PIK3C2G: variants seen among roughly 807,000 people sequenced by gnomAD.
The protein encoded by PIK3C2G is phosphatidylinositol-4-phosphate 3-kinase catalytic subunit type 2 gamma.
Under a neutral mutation model 181.1 loss-of-function variants are expected in PIK3C2G, and 168 were observed. The ratio of observed to expected loss-of-function variants is 0.93; its 90% confidence interval spans 0.82 to 1.05. The LOEUF (loss-of-function observed/expected upper bound fraction) is 1.05, where lower values mean the gene tolerates loss of function less well. PIK3C2G is among the 50% of genes least tolerant of loss of function. The pLI is 0.00. For missense variants in PIK3C2G, 1,869 were observed against 1,732.8 expected (o/e 1.08, Z -1.40); for synonymous variants, 573 against 592.2 (o/e 0.97, Z 0.47).
intron 12 of PIK3C2G, among the ~76,000 whole-genome samples, chr12:18,364,946 T>C (rs533619434): frequency 1.6e-4 from 24 of 152,186 alleles, no homozygotes; most frequent in Non-Finnish European, 2.9e-4. Flanking sequence ...AAAATTTTTC[T>C]TCTGATTTAA....
intron 23 of PIK3C2G, among the ~76,000 whole-genome samples, chr12:18,503,711 A>G (rs926853358): frequency 6.6e-6 from 1 of 152,186 alleles, no homozygotes; most frequent in Non-Finnish European, 1.5e-5. Flanking sequence ...AAATTACCTC[A>G]TTTAAGTAAT....
rs923533904 is a variant in PIK3C2G at position 18,548,988 on chromosome 12, G to A, written c.3590+2556G>A. Among the ~76,000 whole-genome samples, 11 of 151,868 alleles carry A rather than the reference G, an allele frequency of 7.2e-5. No homozygotes were observed. The East Asian group carries it at 7.8e-4, about 11-fold the overall frequency. ...CATTCCTGCATTGTCTGTTTAACTCGCTTTGCTAGCTCACTAGAAACACTC... is the reference window on the plus strand; with the variant it reads ...CATTCCTGCATTGTCTGTTTAACTCACTTTGCTAGCTCACTAGAAACACTC... On this transcript the variant is annotated intron_variant, in intron 26 of 32. Coordinates refer to ENST00000538779, the MANE Select transcript of PIK3C2G (RefSeq NM_001288772.2).
At chr12:18,435,698 G>T (rs1427442892) in intron 18 of PIK3C2G, among the ~76,000 whole-genome samples, 2 of 151,968 alleles carry the variant, frequency 1.3e-5, no homozygotes, top group East Asian at 3.9e-4. Flanking sequence ...TTCTCAAGTA[G>T]TTACTCAAAT....
intron 18 of PIK3C2G, among the ~76,000 whole-genome samples, chr12:18,468,450 T>C (rs1261058569): frequency 6.6e-6 from 1 of 152,132 alleles, no homozygotes; most frequent in Non-Finnish European, 1.5e-5. Flanking sequence ...TTCAGCATTC[T>C]TGCCTACGGA....
intron 1 of PIK3C2G, among the ~76,000 whole-genome samples, chr12:18,275,403 T>C (rs935227407): frequency 1.3e-5 from 2 of 152,106 alleles, no homozygotes; most frequent in Non-Finnish European, 2.9e-5. Flanking sequence ...TTTTTTGAGA[T>C]GGAGTTTCGC....
chr12:18,693,249 A>G, the PIK3C2G span: 2 of 1,547,226 alleles, frequency 1.3e-6, no homozygotes, highest in Non-Finnish European at 1.8e-6. Flanking sequence ...CAAGGTGCAT[A>G]CCATGATAGG....
At chr12:18,655,424 A>G in the PIK3C2G span, among the ~76,000 whole-genome samples, 1 of 152,210 alleles carries the variant, frequency 6.6e-6, no homozygotes, top group Non-Finnish European at 1.5e-5. Context: ...ATAAATAAGT[A>G]GGGAGAAAGA....
At chr12:18,513,881 A>G (rs1227069395) in intron 24 of PIK3C2G, among the ~76,000 whole-genome samples, 1 of 150,922 alleles carries the variant, frequency 6.6e-6, no homozygotes, top group Non-Finnish European at 1.5e-5. Flanking sequence ...ATTTCCTTTC[A>G]TTTGCCAGCT....
chr12:18,550,231 C>A (rs1290081995), intron 26 of PIK3C2G, among the ~76,000 whole-genome samples: 1 of 151,990 alleles, frequency 6.6e-6, no homozygotes, highest in Non-Finnish European at 1.5e-5. Flanking sequence ...GAAATATTTC[C>A]TGAGATCTAT....
downstream of PIK3C2G, among the ~76,000 whole-genome samples, chr12:18,648,871 A>T (rs907772769): frequency 3.4e-4 from 51 of 152,208 alleles, no homozygotes; most frequent in African/African-American, 1.2e-3. Flanking sequence ...AATCAAAAAA[A>T]TTTTTTAATC....
At chr12:18,575,169 A>G (rs1439466282) in intron 29 of PIK3C2G, among the ~76,000 whole-genome samples, 1 of 152,162 alleles carries the variant, frequency 6.6e-6, no homozygotes, top group African/African-American at 2.4e-5. Flanking sequence ...GAGCAAGAAG[A>G]GGTGAAGCTT....
At chr12:18,390,031 T>A (rs1943439546) in intron 14 of PIK3C2G, among the ~76,000 whole-genome samples, 1 of 152,224 alleles carries the variant, frequency 6.6e-6, no homozygotes, top group Non-Finnish European at 1.5e-5. Flanking sequence ...TCAAGATTAA[T>A]CTTTGTCAAG....
chr12:18,540,688 TTCTATGC>T (rs1183682600), intron 25 of PIK3C2G, among the ~76,000 whole-genome samples: 1 of 151,936 alleles, frequency 6.6e-6, no homozygotes, highest in Non-Finnish European at 1.5e-5. Context: ...CCAAAAAAAC[TTCTATGC>T]TCTAATTATT....
chr12:18,600,833 A>C (rs1228750937), intron 30 of PIK3C2G, among the ~76,000 whole-genome samples: 1 of 152,152 alleles, frequency 6.6e-6, no homozygotes, highest in African/African-American at 2.4e-5. Context: ...ACATTTTTCA[A>C]AAATACCAAG....
intron 22 of PIK3C2G, among the ~76,000 whole-genome samples, chr12:18,500,606 C>T (rs1013133866): frequency 6.6e-6 from 1 of 152,188 alleles, no homozygotes; most frequent in African/African-American, 2.4e-5. Flanking sequence ...CAGCTGGGCT[C>T]CTGAGTCTGG....
chr12:18,399,012 G>A (rs1165515660), intron 15 of PIK3C2G, among the ~76,000 whole-genome samples: 2 of 151,058 alleles, frequency 1.3e-5, no homozygotes, highest in Non-Finnish European at 1.5e-5. Flanking sequence ...CGGCTAAAAC[G>A]GTGAAACCCC....
chr12:18,684,047 A>AT, the PIK3C2G span: 12 of 1,463,540 alleles, frequency 8.2e-6, no homozygotes, highest in South Asian at 5.9e-5. Context: ...TGATAGAGCT[A>AT]TTTGGTATGT....
intron 2 of PIK3C2G, 85 bp from the exon 3 acceptor site, chr12:18,286,761 GA>G (rs1461202042): frequency 4.0e-6 from 3 of 756,618 alleles, no homozygotes; most frequent in Non-Finnish European, 6.3e-6. Context: ...AAGTCTGAAT[GA>G]AACTTCAAAA....
At chr12:18,331,846 T>C (rs552834950) in intron 8 of PIK3C2G, among the ~76,000 whole-genome samples, 14 of 152,134 alleles carry the variant, frequency 9.2e-5, no homozygotes, top group Admixed American at 3.9e-4. Flanking sequence ...AGCTTCCTTC[T>C]ATAGTTTACT....
Sources: gnomAD v4.1 joint callset for allele counts (sites outside exome capture counted in the v4.1 genomes callset) on GRCh38, gnomAD v4.1.1 for gene constraint, MANE v1.5 for transcripts, NCBI Gene and HGNC (gene_info 2026-07-23, HGNC 2026-07-21) for gene names.